The following RASGRF2 variants were observed in gnomAD, a reference collection of about 807,000 sequenced individuals.
RASGRF2 encodes the protein ras-specific guanine nucleotide-releasing factor 2.
RASGRF2 carries 76 observed loss-of-function variants against 151.0 expected under a neutral mutation model. The ratio of observed to expected loss-of-function variants is 0.50; its 90% confidence interval spans 0.42 to 0.61. RASGRF2 has a LOEUF of 0.61. RASGRF2 is among the 20% of genes least tolerant of loss of function. The pLI is 0.00. For missense variants in RASGRF2, 1,148 were observed against 1,564.6 expected (o/e 0.73, Z 4.49); for synonymous variants, 504 against 566.5 (o/e 0.89, Z 1.57).
At chr5:81,053,873 C>T (rs556259784) in intron 2 of RASGRF2, among the ~76,000 whole-genome samples, 149 of 152,290 alleles carry the variant, frequency 9.8e-4, no homozygotes, top group African/African-American at 3.4e-3. Flanking sequence ...TCTCTGACGG[C>T]CAGTGATGGT....
At chr5:81,191,795 C>A (rs1254401143) in intron 18 of RASGRF2, among the ~76,000 whole-genome samples, 2 of 152,110 alleles carry the variant, frequency 1.3e-5, no homozygotes, top group Middle Eastern at 3.2e-3. Flanking sequence ...TTAAAGATTC[C>A]TGTATGCACA....
chr5:81,031,553 G>A (rs1485814365), intron 1 of RASGRF2, among the ~76,000 whole-genome samples: 3 of 152,010 alleles, frequency 2.0e-5, no homozygotes, highest in Admixed American at 6.5e-5. Flanking sequence ...ATGACTACTG[G>A]GTACATAACG....
intron 20 of RASGRF2, 109 bp downstream of exon 20, chr5:81,207,014 T>C: frequency 2.0e-6 from 2 of 993,280 alleles, no homozygotes; most frequent in East Asian, 2.5e-5. Flanking sequence ...AGGCCCTCTG[T>C]CCTATCTGTG....
rs773125357 is a variant in RASGRF2 at position 80,960,729 on chromosome 5, C to T, written c.-10C>T. On this transcript the variant is annotated 5_prime_UTR_variant, in exon 1 of 27. Transcript: ENST00000265080. The surrounding 1 kb of genome is among the most constrained non-coding windows in gnomAD (Gnocchi z 5.5). ...CCGGCGGCCACCCGTGAGCCCTCCG[C>T]ACCCGCACCATGCAGAAGAGCGTGC... The T allele has an allele frequency of 4.5e-6, 7 of 1,552,338 alleles. No homozygotes were observed. Among genetic ancestry groups the T allele is most frequent in the Non-Finnish European group, 6.1e-6 (7 of 1,144,406 alleles).
chr5:81,005,296 A>C (rs1452971608), intron 1 of RASGRF2, among the ~76,000 whole-genome samples: 3 of 152,164 alleles, frequency 2.0e-5, no homozygotes, highest in African/African-American at 7.2e-5. Flanking sequence ...GGAAGCAAAC[A>C]TGTCCTTCTT....
At chr5:81,181,437 TAC>T (rs1754914555) in intron 18 of RASGRF2, among the ~76,000 whole-genome samples, 1 of 152,232 alleles carries the variant, frequency 6.6e-6, no homozygotes, top group South Asian at 2.1e-4. Context: ...CATTCCATCT[TAC>T]ACATCTTAAA....
intron 25 of RASGRF2, among the ~76,000 whole-genome samples, chr5:81,219,275 C>T (rs974227091): frequency 1.4e-4 from 21 of 152,090 alleles, no homozygotes; most frequent in African/African-American, 3.4e-4. Flanking sequence ...GACAGGGTTT[C>T]GCTGTGTTGG....
chr5:81,083,243 G>A (rs922452560), intron 7 of RASGRF2, among the ~76,000 whole-genome samples: 4 of 150,616 alleles, frequency 2.7e-5, no homozygotes, highest in Non-Finnish European at 4.4e-5. Context: ...AAGGGTGGAC[G>A]CCTCAGGATG....
At chr5:81,196,906 C>T (rs902420807) in intron 18 of RASGRF2, among the ~76,000 whole-genome samples, 3 of 152,232 alleles carry the variant, frequency 2.0e-5, no homozygotes, top group African/African-American at 7.2e-5. Flanking sequence ...GAGCATTAAC[C>T]GTTTACAAAC....
At chr5:81,038,474 T>C (rs184152332) in intron 1 of RASGRF2, among the ~76,000 whole-genome samples, 191 of 152,164 alleles carry the variant, frequency 1.3e-3, no homozygotes, top group African/African-American at 4.4e-3. Flanking sequence ...AATTTATTAA[T>C]CATTTCTGTC....
chr5:81,012,874 C>A (rs992681587), intron 1 of RASGRF2, among the ~76,000 whole-genome samples: 6 of 152,066 alleles, frequency 3.9e-5, no homozygotes, highest in African/African-American at 1.4e-4. Flanking sequence ...TGCACCTGGT[C>A]ATCCACTTTG....
At chr5:81,217,273 T>C in intron 24 of RASGRF2, 83 bp from the exon 25 acceptor site, 1 of 1,501,082 alleles carries the variant, frequency 6.7e-7, no homozygotes, top group South Asian at 1.4e-5. Flanking sequence ...AGGAGGATAC[T>C]TTAATCCTCC....
At chr5:81,197,554 A>T (rs1429353945) in intron 18 of RASGRF2, among the ~76,000 whole-genome samples, 3 of 151,962 alleles carry the variant, frequency 2.0e-5, no homozygotes, top group African/African-American at 7.3e-5. Context: ...TACTAAATTC[A>T]AATTAGATTA....
At position 81,092,913 on chromosome 5, in the gene RASGRF2, CTT is replaced by C; in HGVS notation, c.1507_1508del (p.Leu503AsnfsTer28). On this transcript the variant is annotated frameshift_variant, in exon 10 of 27. Transcript: ENST00000265080. LOFTEE classifies it high-confidence loss of function. ...GACAATGCTTCTTATTTACAAAACA[CTT>C]TTTAATATGTACAAGAAGTTCAGGA... ...ERQCFLFTKH[F>X]LICTRSSGGK... 6.2e-7 allele frequency: 1 copy of C among 1,613,156 alleles called. No individual in the cohort carries two copies. Among genetic ancestry groups the C allele is most frequent in the Non-Finnish European group, 8.5e-7 (1 of 1,179,178 alleles).
intron 26 of RASGRF2, among the ~76,000 whole-genome samples, chr5:81,223,682 G>A (rs1322428630): frequency 1.3e-5 from 2 of 151,804 alleles, no homozygotes; most frequent in Non-Finnish European, 2.9e-5. Context: ...GCACAGCAGT[G>A]CAAATCCAGT....
rs754190667 is a variant in RASGRF2 at position 80,960,990 on chromosome 5, C to G, written c.252C>G (p.Ala84=). 26 of 1,538,834 alleles carry G rather than the reference C, an allele frequency of 1.7e-5. No individual in the cohort carries two copies. In the East Asian group the frequency reaches 3.5e-4, roughly 21 times the overall value. Residue 84 remains alanine, a synonymous_variant, in exon 1 of 27, where the codon GCC becomes GCG. Coordinates refer to ENST00000265080, the MANE Select transcript of RASGRF2 (RefSeq NM_006909.3). The surrounding 1 kb of genome is among the most constrained non-coding windows in gnomAD (Gnocchi z 5.5). ...ERTPAPPRAG[A]GQGGVRDALD... is the part of the protein sequence containing the mutation. The stretch of plus-strand genomic sequence containing the variant: ...CGCCCGCGCCACCCAGGGCCGGCGC[C>G]GGGCAGGGAGGCGTCCGAGACGCGC...
chr5:80,987,515 T>A (rs1748510263), intron 1 of RASGRF2, among the ~76,000 whole-genome samples: 1 of 152,194 alleles, frequency 6.6e-6, no homozygotes, highest in Non-Finnish European at 1.5e-5. Flanking sequence ...AAATAAGTGC[T>A]GGGTGATTTG....
At chr5:80,974,071 G>A (rs895490719) in intron 1 of RASGRF2, among the ~76,000 whole-genome samples, 1 of 152,218 alleles carries the variant, frequency 6.6e-6, no homozygotes, top group Admixed American at 6.5e-5. Flanking sequence ...GCTTTTGGCA[G>A]GAGTCACAAG....
chr5:81,003,218 C>CT (rs1271321430), intron 1 of RASGRF2, among the ~76,000 whole-genome samples: 14,315 of 97,912 alleles, frequency 0.15, 1,970 homozygotes, highest in Middle Eastern at 0.24. Context: ...CCACACCTGG[C>CT]TTTTTTTTTT....
Sources: allele counts gnomAD v4.1 joint callset (sites outside exome capture counted in the v4.1 genomes callset), GRCh38; gene constraint gnomAD v4.1.1; non-coding constraint Gnocchi (gnomAD v3.1); transcripts MANE v1.5; gene names NCBI Gene and HGNC (gene_info 2026-07-23, HGNC 2026-07-21).